The following NDST3 variants were observed in gnomAD, a reference collection of about 807,000 sequenced individuals.
NDST3 encodes N-deacetylase and N-sulfotransferase 3.
Under a neutral mutation model 96.1 loss-of-function variants are expected in NDST3, and 58 were observed. That is an observed-to-expected ratio of 0.60 (90% confidence interval 0.49 to 0.75). The LOEUF (loss-of-function observed/expected upper bound fraction) is 0.75. Ranked by LOEUF, NDST3 falls within the 30% of genes least tolerant of loss-of-function variation. The probability of loss-of-function intolerance (pLI) is 0.00; values close to 1 mark genes in which losing one functional copy is unlikely to be tolerated. For synonymous variants in NDST3, 333 were observed against 359.7 expected (o/e 0.93, Z 0.84); for missense variants, 788 against 1,034.2 (o/e 0.76, Z 3.27).
At chr4:118,068,722 T>C (rs1214215848) in intron 2 of NDST3, among the ~76,000 whole-genome samples, 2 of 152,092 alleles carry the variant, frequency 1.3e-5, no homozygotes, top group Non-Finnish European at 2.9e-5. Flanking sequence ...GATATTATTG[T>C]AAAATATGAA....
At chr4:118,070,878 A>G (rs901498723) in intron 2 of NDST3, among the ~76,000 whole-genome samples, 6 of 151,646 alleles carry the variant, frequency 4.0e-5, no homozygotes, top group African/African-American at 1.5e-4. Context: ...ATTCCCACCT[A>G]TGACTGAGAA....
chr4:118,065,227 C>G (rs574704858), intron 2 of NDST3, among the ~76,000 whole-genome samples: 1 of 152,226 alleles, frequency 6.6e-6, no homozygotes, highest in South Asian at 2.1e-4. Flanking sequence ...TACAACGACT[C>G]AACTCCCGCA....
In NDST3 at chr4:118,100,124, T is replaced by G. The variant is rs1402161958; in HGVS notation, c.982-4894T>G. Among the ~76,000 whole-genome samples, 3 of 152,074 alleles carry G rather than the reference T, an allele frequency of 2.0e-5. No individual in the cohort carries two copies. In the East Asian group the frequency reaches 5.8e-4, roughly 29 times the overall value. On this transcript the variant is annotated intron_variant, in intron 2 of 13. Coordinates refer to ENST00000296499, the MANE Select transcript of NDST3 (RefSeq NM_004784.3). Reference sequence around the variant, plus strand: ...AGTGTTTCTGGAAGAGATAAGCTTTTGAATTGGTGAGCTAAGTAAAGCAGA... The same window carrying G: ...AGTGTTTCTGGAAGAGATAAGCTTTGGAATTGGTGAGCTAAGTAAAGCAGA...
chr4:118,168,716 C>T (rs975381863), intron 6 of NDST3, among the ~76,000 whole-genome samples: 1 of 152,148 alleles, frequency 6.6e-6, no homozygotes, highest in African/African-American at 2.4e-5. Flanking sequence ...GATGAGGAAA[C>T]AACCTAAATG....
chr4:118,198,557 A>G (rs1737851044), intron 6 of NDST3, among the ~76,000 whole-genome samples: 1 of 152,176 alleles, frequency 6.6e-6, no homozygotes, highest in Non-Finnish European at 1.5e-5. Context: ...TTGGTAAGTC[A>G]TTTAATCTTT....
intron 6 of NDST3, among the ~76,000 whole-genome samples, chr4:118,192,899 G>C (rs1737405546): frequency 6.6e-6 from 1 of 152,100 alleles, no homozygotes; most frequent in Non-Finnish European, 1.5e-5. Context: ...GACACCAGGA[G>C]ACAGCATCAG....
chr4:118,096,708 T>TAGATAGAC (rs1476720051), intron 2 of NDST3, among the ~76,000 whole-genome samples: 1,907 of 145,248 alleles, frequency 0.013, 21 homozygotes, highest in Middle Eastern at 0.021. Flanking sequence ...GATAGATAGA[T>TAGATAGAC]AGACAGTTAG....
At chr4:118,232,035 A>G (rs938014607) in intron 8 of NDST3, among the ~76,000 whole-genome samples, 2 of 152,150 alleles carry the variant, frequency 1.3e-5, no homozygotes, top group African/African-American at 4.8e-5. Flanking sequence ...GTCGCTAAGA[A>G]AGGGCACCAT....
At chr4:118,202,794 T>G (rs1347901299) in intron 6 of NDST3, among the ~76,000 whole-genome samples, 1 of 152,224 alleles carries the variant, frequency 6.6e-6, no homozygotes, top group South Asian at 2.1e-4. Context: ...CCTATTTGGA[T>G]GCCTTTTATT....
chr4:118,079,962 T>G (rs1456065831), intron 2 of NDST3, among the ~76,000 whole-genome samples: 1 of 152,020 alleles, frequency 6.6e-6, no homozygotes, highest in African/African-American at 2.4e-5. Flanking sequence ...CAGCAGTGTG[T>G]TCCTCCAGTT....
intron 8 of NDST3, among the ~76,000 whole-genome samples, chr4:118,227,282 C>T (rs1465227476): frequency 6.6e-6 from 1 of 150,674 alleles, no homozygotes; most frequent in East Asian, 2.0e-4. Context: ...ATTAACACTT[C>T]TAAAATCAAA....
chr4:118,035,135 T>C (rs1415197170), intron 1 of NDST3, among the ~76,000 whole-genome samples: 1 of 152,144 alleles, frequency 6.6e-6, no homozygotes, highest in Non-Finnish European at 1.5e-5. Context: ...AATATATCCA[T>C]TTTGTGGGGG....
intron 6 of NDST3, among the ~76,000 whole-genome samples, chr4:118,194,967 T>C (rs78945399): frequency 1.3e-5 from 2 of 152,208 alleles, no homozygotes; most frequent in African/African-American, 4.8e-5. Flanking sequence ...CAGGATAGCT[T>C]TGACTATTCT....
rs551535033 is a variant in NDST3 at position 118,053,251 on chromosome 4, A to G, written c.-155-505A>G. Among the ~76,000 whole-genome samples the G allele has an allele frequency of 8.9e-4, 136 of 152,154 alleles. 2 individuals are homozygous for G. The highest frequency in any genetic ancestry group is 3.1e-3 in the African/African-American group (128 of 41,548). Reference sequence around the variant, plus strand: ...TTATTTTAATGAGAGCAATTATCATAAGGTTGTTTCTCTAATGAATGTAAA... The same window carrying G: ...TTATTTTAATGAGAGCAATTATCATGAGGTTGTTTCTCTAATGAATGTAAA... On this transcript the variant is annotated intron_variant, in intron 1 of 13. Transcript: ENST00000296499.
At chr4:118,201,809 T>G (rs1437671073) in intron 6 of NDST3, among the ~76,000 whole-genome samples, 1 of 152,060 alleles carries the variant, frequency 6.6e-6, no homozygotes, top group African/African-American at 2.4e-5. Flanking sequence ...TTTTGTCTTG[T>G]TGTTGTTGTT....
At chr4:118,161,520 T>A (rs1205101968) in intron 6 of NDST3, among the ~76,000 whole-genome samples, 1 of 152,186 alleles carries the variant, frequency 6.6e-6, no homozygotes. Flanking sequence ...TGTGGTGGGC[T>A]CCACCCAGTT....
chr4:118,103,851 G>C (rs1294561356), intron 2 of NDST3, among the ~76,000 whole-genome samples: 2 of 152,138 alleles, frequency 1.3e-5, no homozygotes, highest in Admixed American at 6.5e-5. Context: ...GATACCAAAA[G>C]AATTAGATAG....
Position 118,217,076 on chromosome 4 carries a change from A to G in NDST3, c.1540-7415A>G, listed in dbSNP as rs528901428. Reference sequence around the variant, plus strand: ...GGCTCTAGGGCTTGCATTTTTAAAAACATTGCATTTGCCTTGAGAGATATG... The same window carrying G: ...GGCTCTAGGGCTTGCATTTTTAAAAGCATTGCATTTGCCTTGAGAGATATG... On this transcript the variant is annotated intron_variant, in intron 6 of 13. Transcript: ENST00000296499. Among the ~76,000 whole-genome samples, 5 of 152,246 alleles carry G rather than the reference A, an allele frequency of 3.3e-5. No individual in the cohort carries two copies. In the South Asian group the frequency reaches 1.0e-3, roughly 32 times the overall value.
Position 118,238,154 on chromosome 4 carries a change from GAAAAGAAAGAAAGAAAGAAA to G in NDST3, c.2118+935_2118+954del, listed in dbSNP as rs1478972559. The stretch of plus-strand genomic sequence containing the variant: ...GAGAGAGAGAGAGAGAGAAAAGAAA[GAAAAGAAAGAAAGAAAGAAA>G]GAAAGAAAGAAAGAAAGAAAGAAAG... On this transcript the variant is annotated intron_variant, in intron 10 of 13. Coordinates refer to ENST00000296499, the MANE Select transcript of NDST3 (RefSeq NM_004784.3). 1.2e-3 allele frequency among the ~76,000 whole-genome samples: 84 copies of G among 72,172 alleles called. 1 individual carries two copies. Among genetic ancestry groups the G allele is most frequent in the Middle Eastern group, 8.2e-3 (1 of 122 alleles). The allele number at this position is 72,172 out of a possible 152,430, so 47.3% of individuals were successfully genotyped here.
Sources: gnomAD v4.1 joint callset for allele counts (sites outside exome capture counted in the v4.1 genomes callset) on GRCh38, gnomAD v4.1.1 for gene constraint, MANE v1.5 for transcripts, NCBI Gene and HGNC (gene_info 2026-07-23, HGNC 2026-07-21) for gene names.